Variants in BBOF1 observed in about 807,000 individuals in gnomAD.
BBOF1 encodes basal body-orientation factor 1.
A neutral mutation model predicts 68.0 loss-of-function variants in BBOF1; 62 were observed. The observed-to-expected ratio is 0.91, with a 90% CI of 0.74 to 1.13. The LOEUF (loss-of-function observed/expected upper bound fraction) is 1.13. Ranked by LOEUF, BBOF1 falls within the 50% of genes most tolerant of loss-of-function variation. The pLI, the probability that BBOF1 is intolerant of heterozygous loss-of-function variation, is 0.00. For missense variants in BBOF1, 534 were observed against 600.1 expected (o/e 0.89, Z 1.15); for synonymous variants, 208 against 198.8 (o/e 1.05, Z -0.39).
chr14:74,027,505 C>G (rs2059462122), intron 2 of BBOF1, among the ~76,000 whole-genome samples: 2 of 143,766 alleles, frequency 1.4e-5, no homozygotes, highest in African/African-American at 2.6e-5. Flanking sequence ...AGTCAAGAAT[C>G]ATCAATGGAT....
chr14:74,034,479 TC>T (rs2059651146), intron 4 of BBOF1, among the ~76,000 whole-genome samples: 1 of 152,092 alleles, frequency 6.6e-6, no homozygotes, highest in Non-Finnish European at 1.5e-5. Context: ...TTAGAAAACC[TC>T]AGGGAAAAAG....
chr14:74,052,282 C>T (rs1249052370), intron 8 of BBOF1, among the ~76,000 whole-genome samples: 1 of 151,758 alleles, frequency 6.6e-6, no homozygotes, highest in Non-Finnish European at 1.5e-5. Flanking sequence ...ATTTTTGCTA[C>T]TGACCACCTT....
At chr14:74,023,360 G>A (rs1372069280) in intron 2 of BBOF1, among the ~76,000 whole-genome samples, 3 of 151,946 alleles carry the variant, frequency 2.0e-5, no homozygotes, top group Non-Finnish European at 2.9e-5. Flanking sequence ...ATGTTTTCTT[G>A]TCTGAAGCAA....
At chr14:74,075,128 C>T in intron 9 of BBOF1, 1 of 919,668 alleles carries the variant, frequency 1.1e-6, no homozygotes, top group Non-Finnish European at 1.7e-6. Context: ...GTATGTTTCT[C>T]TCAAAGGCCA....
chr14:74,042,220 G>T (rs990801096), intron 5 of BBOF1, among the ~76,000 whole-genome samples: 1 of 152,178 alleles, frequency 6.6e-6, no homozygotes, highest in Non-Finnish European at 1.5e-5. Context: ...AGTGGCTCTA[G>T]GTTCCAGTTT....
intron 12 of BBOF1, among the ~76,000 whole-genome samples, chr14:74,082,414 T>TG: frequency 6.9e-6 from 1 of 145,216 alleles, no homozygotes; most frequent in East Asian, 2.0e-4. Flanking sequence ...TTTTTTTTTT[T>TG]TTTTTGATGG....
intron 9 of BBOF1, chr14:74,074,829 CA>C (rs35088860): frequency 1.0e-6 from 1 of 981,692 alleles, no homozygotes. Context: ...GGAAATAATC[CA>C]AAAGGAGGAA....
intron 9 of BBOF1, chr14:74,078,091 T>C (rs2060632770): frequency 2.4e-6 from 1 of 422,896 alleles, no homozygotes. Flanking sequence ...TAAACACTTA[T>C]TGTTTATTTT....
rs78735438 is a variant in BBOF1 at position 74,039,117 on chromosome 14, C to T, written c.496-1448C>T. On this transcript the variant is annotated intron_variant, in intron 4 of 11. Transcript: ENST00000394009. ...CATCCCTTACAATTACACTATGTAACGATTGTATAGTTTCTTTTTTCCTTT... is the reference window on the plus strand; with the variant it reads ...CATCCCTTACAATTACACTATGTAATGATTGTATAGTTTCTTTTTTCCTTT... Among the ~76,000 whole-genome samples, 295 of 152,118 alleles carry T rather than the reference C, an allele frequency of 1.9e-3. 2 individuals are homozygous for T. The highest frequency in any genetic ancestry group is 6.9e-3 in the African/African-American group (287 of 41,534).
At chr14:74,068,478 C>G (rs921112888), downstream of BBOF1, among the ~76,000 whole-genome samples, 1 of 151,204 alleles carries the variant, frequency 6.6e-6, no homozygotes, top group Admixed American at 6.6e-5. Context: ...GTAAGGCTTA[C>G]GCCTGTAATC....
chr14:74,057,133 C>T lies in BBOF1; in HGVS notation c.1464-11C>T, dbSNP rs1429555209. On this transcript the variant is annotated splice_polypyrimidine_tract_variant and intron_variant, in intron 10 of 11. Coordinates refer to ENST00000394009, the MANE Select transcript of BBOF1 (RefSeq NM_025057.3). ...GTTGTTGACGGTTCTGTTATTTTGT[C>T]ATTATTGCAGGGATGAAAGTAAGCT... 1.2e-6 allele frequency: 2 copies of T among 1,606,372 alleles called. No homozygotes were observed. Among genetic ancestry groups the T allele is most frequent in the Admixed American group, 1.7e-5 (1 of 58,986 alleles).
At chr14:74,069,013 A>C, downstream of BBOF1, 1 of 1,610,830 alleles carries the variant, frequency 6.2e-7, no homozygotes, top group Non-Finnish European at 8.5e-7. Context: ...TCACTCACAA[A>C]GGAGCAAATG....
intron 4 of BBOF1, among the ~76,000 whole-genome samples, chr14:74,037,901 G>A (rs1595046429): frequency 1.3e-5 from 2 of 151,524 alleles, no homozygotes; most frequent in South Asian, 2.1e-4. Flanking sequence ...GTTGCAGTGA[G>A]CTGAGATCGT....
chr14:74,032,915 C>T (rs2059610265), intron 3 of BBOF1, among the ~76,000 whole-genome samples: 1 of 151,960 alleles, frequency 6.6e-6, no homozygotes, highest in Non-Finnish European at 1.5e-5. Context: ...TCCCCCCTTC[C>T]TTTTCTCTGT....
intron 6 of BBOF1, 37 bp from the exon 7 acceptor site, chr14:74,047,893 G>T (rs1430927180): frequency 1.3e-6 from 2 of 1,555,982 alleles, no homozygotes; most frequent in Non-Finnish European, 1.7e-6. Context: ...ATATCTAAAA[G>T]TTAGACCTGT....
chr14:74,040,453 A>G, intron 4 of BBOF1, 112 bp from the exon 5 acceptor site: 1 of 681,708 alleles, frequency 1.5e-6, no homozygotes, highest in East Asian at 2.8e-5. Flanking sequence ...GTTCAGGATT[A>G]AGAGGTAACA....
At chr14:74,070,572 G>A (rs1014861514), downstream of BBOF1, 3 of 153,892 alleles carry the variant, frequency 1.9e-5, no homozygotes, top group Non-Finnish European at 1.4e-5. Context: ...GGGACACTCA[G>A]ACACTATTGT....
At chr14:74,067,233 G>A, downstream of BBOF1, 1 of 991,644 alleles carries the variant, frequency 1.0e-6, no homozygotes, top group South Asian at 1.4e-5. Flanking sequence ...CTGCTAACAA[G>A]ATGACTCCAA....
intron 5 of BBOF1, among the ~76,000 whole-genome samples, chr14:74,043,543 C>T (rs547209319): frequency 0.036 from 4,006 of 110,460 alleles, 96 homozygotes; most frequent in Middle Eastern, 0.16. Context: ...GGCAACAGAG[C>T]GAGACTCCGT....
Sources: allele counts gnomAD v4.1 joint callset (sites outside exome capture counted in the v4.1 genomes callset), GRCh38; gene constraint gnomAD v4.1.1; transcripts MANE v1.5; gene names NCBI Gene and HGNC (gene_info 2026-07-23, HGNC 2026-07-21).